DACH1: variants seen among roughly 807,000 people sequenced by gnomAD.
DACH1 encodes dachshund homolog 1.
In DACH1, 12 loss-of-function variants were observed where a neutral mutation model predicts 54.2. The ratio of observed to expected loss-of-function variants is 0.22; its 90% CI spans 0.14 to 0.36. The LOEUF is 0.36. Ranked by LOEUF, DACH1 falls within the 10% of genes least tolerant of loss-of-function variation. The pLI, the probability that DACH1 is intolerant of heterozygous loss-of-function variation, is 1.00. For synonymous variants in DACH1, 386 were observed against 366.2 expected, an observed-to-expected ratio of 1.05 and a Z score of -0.62; for missense variants, 805 against 929.8, an observed-to-expected ratio of 0.87 and a Z score of 1.75.
intron 3 of DACH1, among the ~76,000 whole-genome samples, chr13:71,583,624 C>T (rs1873005885): frequency 6.6e-6 from 1 of 152,124 alleles, no homozygotes. Flanking sequence ...AGGCAGATCA[C>T]CTGAACTCAG....
At chr13:71,767,473 T>G (rs920437776) in intron 1 of DACH1, among the ~76,000 whole-genome samples, 1 of 152,082 alleles carries the variant, frequency 6.6e-6, no homozygotes, top group African/African-American at 2.4e-5. Context: ...TATTGAAGAC[T>G]GAAATATTAA....
intron 1 of DACH1, among the ~76,000 whole-genome samples, chr13:71,693,886 T>TG (rs1364973696): frequency 6.6e-6 from 1 of 152,228 alleles, no homozygotes; most frequent in Non-Finnish European, 1.5e-5. Flanking sequence ...CAAGCAACCA[T>TG]GGGGGGTCTT....
intron 1 of DACH1, among the ~76,000 whole-genome samples, chr13:71,728,576 G>A (rs1883589455): frequency 6.6e-6 from 1 of 151,962 alleles, no homozygotes. Flanking sequence ...AGAAATAAAT[G>A]ACTCTATAAA....
chr13:71,571,793 T>A (rs1885221101), intron 4 of DACH1, among the ~76,000 whole-genome samples: 1 of 150,618 alleles, frequency 6.6e-6, no homozygotes, highest in Admixed American at 6.7e-5. Context: ...TGGAGTGCAG[T>A]GGCACGATCT....
In DACH1 at chr13:71,519,663, A is replaced by G. The variant is rs1881423283; in HGVS notation, c.1571-30515T>C. ...CCATTATGCTCTCCTGTTTACAGTA[A>G]TTTTACTTAGGTAAATATAATTGTT... is the stretch of plus-strand genomic sequence containing the variant. On this transcript the variant is annotated intron_variant, in intron 6 of 10. Coordinates refer to ENST00000613252, the MANE Select transcript of DACH1 (RefSeq NM_080759.6). Among the ~76,000 whole-genome samples, 3 of 151,306 alleles carry G rather than the reference A, an allele frequency of 2.0e-5. No individual in the cohort carries two copies. In the South Asian group the frequency reaches 6.2e-4, roughly 31 times the overall value.
intron 1 of DACH1, among the ~76,000 whole-genome samples, chr13:71,689,250 C>T (rs1479857997): frequency 2.6e-5 from 4 of 152,144 alleles, no homozygotes; most frequent in Non-Finnish European, 5.9e-5. Flanking sequence ...CACCGGATGC[C>T]AGAATGGGGG....
intron 2 of DACH1, among the ~76,000 whole-genome samples, chr13:71,672,650 T>C (rs1880272635): frequency 6.6e-6 from 1 of 152,166 alleles, no homozygotes; most frequent in African/African-American, 2.4e-5. Flanking sequence ...AAGTTTATCT[T>C]GCTTTGCACT....
intron 10 of DACH1, among the ~76,000 whole-genome samples, chr13:71,459,070 ATAT>A (rs1228726723): frequency 6.6e-6 from 1 of 151,904 alleles, no homozygotes; most frequent in Non-Finnish European, 1.5e-5. Flanking sequence ...ATTCCACGAA[ATAT>A]TATTACTTTT....
intron 6 of DACH1, among the ~76,000 whole-genome samples, chr13:71,504,099 C>A (rs1193587894): frequency 6.6e-6 from 1 of 152,034 alleles, no homozygotes; most frequent in Non-Finnish European, 1.5e-5. Context: ...CAATTTATAA[C>A]CACTCATTCT....
chr13:71,466,812 C>T (rs1876612558), intron 10 of DACH1, among the ~76,000 whole-genome samples: 1 of 144,982 alleles, frequency 6.9e-6, no homozygotes, highest in African/African-American at 2.6e-5. Context: ...CACCACTGCA[C>T]TCCAGCCTGG....
At chr13:71,800,131 C>T (rs546611333) in intron 1 of DACH1, among the ~76,000 whole-genome samples, 2 of 152,090 alleles carry the variant, frequency 1.3e-5, no homozygotes, top group South Asian at 2.1e-4. Flanking sequence ...CCTCAGTTTC[C>T]TCATTTATAA....
At position 71,866,059 on chromosome 13, in the gene DACH1, C is replaced by T. The variant is rs1874734975; in HGVS notation, c.711G>A (p.Glu237=). 7 of 1,613,788 alleles carry T rather than the reference C, an allele frequency of 4.3e-6. No homozygotes were observed. The highest frequency in any genetic ancestry group is 5.9e-6 in the Non-Finnish European group (7 of 1,179,996). Residue 237 remains glutamate (E), a synonymous_variant, in exon 1 of 11, where the codon GAG becomes GAA. Transcript: ENST00000613252. ...CCACATTGCACACCACCGGCGTGAT[C>T]TCCAGCCGCTTCAGCTTGGTGTAGA... ...HTVYTKLKRL[E]ITPVVCNVEQ... is the part of the protein sequence containing the mutation.
intron 4 of DACH1, among the ~76,000 whole-genome samples, chr13:71,569,238 A>G (rs1325341475): frequency 6.6e-6 from 1 of 151,922 alleles, no homozygotes; most frequent in Non-Finnish European, 1.5e-5. Flanking sequence ...AGTTTTCCAT[A>G]GTCTGAGATT....
At chr13:71,625,409 A>G (rs1594007344) in intron 3 of DACH1, among the ~76,000 whole-genome samples, 1 of 152,160 alleles carries the variant, frequency 6.6e-6, no homozygotes, top group East Asian at 1.9e-4. Flanking sequence ...CACATGTGTT[A>G]GAAGAAAGGA....
intron 1 of DACH1, among the ~76,000 whole-genome samples, chr13:71,705,187 A>C (rs1882373143): frequency 6.6e-6 from 1 of 152,198 alleles, no homozygotes; most frequent in Non-Finnish European, 1.5e-5. Context: ...CTAAGTACAG[A>C]GTGAATATTG....
intron 3 of DACH1, among the ~76,000 whole-genome samples, chr13:71,576,712 C>G (rs1885548561): frequency 6.6e-6 from 1 of 152,112 alleles, no homozygotes; most frequent in South Asian, 2.1e-4. Flanking sequence ...CCTATTCTGT[C>G]CCTTAAGAGC....
intron 1 of DACH1, among the ~76,000 whole-genome samples, chr13:71,751,223 C>T (rs1884908161): frequency 6.6e-6 from 1 of 152,218 alleles, no homozygotes; most frequent in Non-Finnish European, 1.5e-5. Flanking sequence ...CTGCGTCAGT[C>T]ATCTGTTGAA....
At chr13:71,818,661 C>T (rs547387651) in intron 1 of DACH1, among the ~76,000 whole-genome samples, 76 of 152,302 alleles carry the variant, frequency 5.0e-4, no homozygotes, top group African/African-American at 1.8e-3. Context: ...CCAGGTTAGG[C>T]ATGGATCGTA....
At chr13:71,552,781 ATAT>A (rs1566335109) in intron 6 of DACH1, among the ~76,000 whole-genome samples, 3 of 124,850 alleles carry the variant, frequency 2.4e-5, no homozygotes, top group Non-Finnish European at 5.0e-5. Flanking sequence ...ATATATATAT[ATAT>A]GGATGTGAAT....
Sources: allele counts gnomAD v4.1 joint callset (sites outside exome capture counted in the v4.1 genomes callset), GRCh38; gene constraint gnomAD v4.1.1; transcripts MANE v1.5; gene names NCBI Gene and HGNC (gene_info 2026-07-23, HGNC 2026-07-21).